The following SNX13 variants were observed in gnomAD, a reference collection of about 807,000 sequenced individuals.
SNX13 encodes the protein sorting nexin 13, also known as sorting nexin-13.
SNX13 carries 45 observed loss-of-function variants against 133.6 expected under a neutral mutation model. That is an observed-to-expected ratio of 0.34 (90% CI 0.27 to 0.43). The LOEUF (loss-of-function observed/expected upper bound fraction) is 0.43. Ranked by LOEUF, SNX13 falls within the 20% of genes least tolerant of loss-of-function variation. The pLI, the probability that SNX13 is intolerant of heterozygous loss-of-function variation, is 1.00. For synonymous variants in SNX13, 414 were observed against 373.9 expected, an observed-to-expected ratio of 1.11 and a Z score of -1.24; for missense variants, 1,032 against 1,145.1, an observed-to-expected ratio of 0.90 and a Z score of 1.43.
At chr7:17,800,984 C>A (rs1258057242) in intron 22 of SNX13, among the ~76,000 whole-genome samples, 2 of 85,358 alleles carry the variant, frequency 2.3e-5, no homozygotes, top group Non-Finnish European at 4.8e-5. Flanking sequence ...TGAAAAAGTA[C>A]TTGGCAGTAT....
At position 17,817,309 on chromosome 7, in the gene SNX13, C is replaced by A. The variant is rs147714984; in HGVS notation, c.1846-1020G>T. On this transcript the variant is annotated intron_variant, in intron 18 of 25. Coordinates refer to ENST00000428135, the MANE Select transcript of SNX13 (RefSeq NM_015132.5). The stretch of plus-strand genomic sequence containing the variant: ...AAGAGCAAAGTCATTTAACTAGTGA[C>A]TGTACCTGACCAACAGCCTAGTGCT... 1.4e-3 allele frequency among the ~76,000 whole-genome samples: 214 copies of A among 152,318 alleles called. 1 individual carries two copies. The highest frequency in any genetic ancestry group is 4.1e-3 in the Admixed American group (62 of 15,306).
intron 5 of SNX13, chr7:17,889,829 A>G (rs926266064): frequency 1.3e-5 from 2 of 152,188 alleles, no homozygotes; most frequent in African/African-American, 4.8e-5. Context: ...AAAGTTTGTT[A>G]AAACAAACTC....
intron 1 of SNX13, among the ~76,000 whole-genome samples, chr7:17,914,999 T>G (rs553052234): frequency 5.3e-5 from 8 of 152,172 alleles, no homozygotes; most frequent in African/African-American, 1.9e-4. Context: ...ATGACACCCA[T>G]AGGCTCAAAA....
intron 15 of SNX13, 28 bp downstream of exon 15, chr7:17,834,024 A>G (rs1259445299): frequency 7.6e-6 from 11 of 1,448,654 alleles, no homozygotes; most frequent in African/African-American, 1.4e-5. Context: ...ATATATGCAT[A>G]TTATGTGTAA....
At chr7:17,908,522 A>C (rs1798624665) in intron 1 of SNX13, among the ~76,000 whole-genome samples, 1 of 152,056 alleles carries the variant, frequency 6.6e-6, no homozygotes, top group Admixed American at 6.6e-5. Flanking sequence ...CTTCCCTCAT[A>C]AACACCTCAC....
chr7:17,842,305 G>T (rs916212076), intron 12 of SNX13, among the ~76,000 whole-genome samples: 1 of 152,066 alleles, frequency 6.6e-6, no homozygotes, highest in Non-Finnish European at 1.5e-5. Flanking sequence ...AGGTGATGGA[G>T]TGATATTCAA....
At chr7:17,924,149 T>C (rs1198921852) in intron 1 of SNX13, among the ~76,000 whole-genome samples, 3 of 152,098 alleles carry the variant, frequency 2.0e-5, no homozygotes, top group Non-Finnish European at 4.4e-5. Context: ...ACATCAAAAT[T>C]AGAAAATCCT....
chr7:17,862,238 AT>A (rs1173751335), intron 9 of SNX13, among the ~76,000 whole-genome samples: 10 of 152,158 alleles, frequency 6.6e-5, no homozygotes, highest in South Asian at 4.1e-4. Context: ...ACTTGCTTCC[AT>A]TTTTGGACCA....
At chr7:17,912,421 T>TC (rs1727969222) in intron 1 of SNX13, among the ~76,000 whole-genome samples, 1 of 151,696 alleles carries the variant, frequency 6.6e-6, no homozygotes, top group Non-Finnish European at 1.5e-5. Flanking sequence ...AATGCTTTTT[T>TC]TTTTTGGAAA....
At chr7:17,855,876 T>C (rs1173370323) in intron 9 of SNX13, among the ~76,000 whole-genome samples, 1 of 152,224 alleles carries the variant, frequency 6.6e-6, no homozygotes, top group African/African-American at 2.4e-5. Context: ...TATGGATATT[T>C]GCTCTAGATA....
chr7:17,925,724 C>T (rs1363255325), intron 1 of SNX13, among the ~76,000 whole-genome samples: 1 of 151,838 alleles, frequency 6.6e-6, no homozygotes, highest in African/African-American at 2.4e-5. Context: ...AGGGATGTTG[C>T]TAAGCATCCT....
intron 1 of SNX13, among the ~76,000 whole-genome samples, chr7:17,912,881 C>T (rs1355605222): frequency 6.6e-6 from 1 of 152,086 alleles, no homozygotes; most frequent in Non-Finnish European, 1.5e-5. Context: ...TGGAAAGCAC[C>T]CAAGCAGCAA....
chr7:17,816,389 C>T (rs752192684), intron 18 of SNX13, 100 bp from the exon 19 acceptor site: 8 of 1,358,714 alleles, frequency 5.9e-6, no homozygotes, highest in East Asian at 2.9e-5. Flanking sequence ...AGGCCAGGTG[C>T]GGTGGCTCAC....
At chr7:17,928,686 C>T (rs1157991696) in intron 1 of SNX13, among the ~76,000 whole-genome samples, 2 of 152,132 alleles carry the variant, frequency 1.3e-5, no homozygotes, top group African/African-American at 2.4e-5. Flanking sequence ...ATCCTTGATG[C>T]TTTTTAGGAA....
At chr7:17,897,278 T>A (rs1298787486) in intron 2 of SNX13, 56 bp downstream of exon 2, 2 of 943,130 alleles carry the variant, frequency 2.1e-6, no homozygotes, top group African/African-American at 3.4e-5. Flanking sequence ...GTCATTTGTT[T>A]CCATTTTAAC....
chr7:17,877,733 A>G (rs914002206), intron 5 of SNX13, among the ~76,000 whole-genome samples: 12 of 101,684 alleles, frequency 1.2e-4, no homozygotes, highest in Non-Finnish European at 2.2e-4. Context: ...ATGCAAATAC[A>G]TACAAAATTA....
chr7:17,801,461 G>A, intron 22 of SNX13, 127 bp downstream of exon 22: 1 of 683,496 alleles, frequency 1.5e-6, no homozygotes, highest in Non-Finnish European at 2.4e-6. Context: ...CAGTTTGTAA[G>A]AATTCATCAA....
intron 1 of SNX13, among the ~76,000 whole-genome samples, chr7:17,915,850 C>T (rs980102876): frequency 3.3e-5 from 5 of 152,192 alleles, no homozygotes; most frequent in East Asian, 1.9e-4. Flanking sequence ...CTGCAGAGTA[C>T]ACATTCTTCT....
chr7:17,806,976 C>T (rs936801388), intron 20 of SNX13, among the ~76,000 whole-genome samples: 15 of 152,208 alleles, frequency 9.9e-5, no homozygotes, highest in Admixed American at 9.8e-4. Context: ...CAGCAGATTT[C>T]CTCCGGTGCC....
Sources: allele counts gnomAD v4.1 joint callset (sites outside exome capture counted in the v4.1 genomes callset), GRCh38; gene constraint gnomAD v4.1.1; transcripts MANE v1.5; gene names NCBI Gene and HGNC (gene_info 2026-07-23, HGNC 2026-07-21).